NLGN4X: variants seen among roughly 807,000 people sequenced by gnomAD.
NLGN4X encodes neuroligin 4 X-linked.
A neutral mutation model predicts 40.3 loss-of-function variants in NLGN4X; 3 were observed. That is an observed-to-expected ratio of 0.07 (90% CI 0.03 to 0.19). NLGN4X has a LOEUF of 0.19. Ranked by LOEUF, NLGN4X falls within the 10% of genes least tolerant of loss-of-function variation. The pLI is 1.00. For synonymous variants in NLGN4X, 270 were observed against 306.8 expected (o/e 0.88, Z 1.25); for missense variants, 382 against 708.3 (o/e 0.54, Z 5.23).
intron 3 of NLGN4X, among the ~76,000 whole-genome samples, chrX:5,956,637 A>G (rs1014926463): frequency 1.8e-5 from 2 of 111,287 alleles, no homozygotes; most frequent in Non-Finnish European, 3.8e-5. Flanking sequence ...CCCCAGTTCA[A>G]AATCTCTTGT....
At chrX:6,009,110 T>C (rs1281223895) in intron 3 of NLGN4X, among the ~76,000 whole-genome samples, 1 of 111,937 alleles carries the variant, frequency 8.9e-6, no homozygotes, top group Non-Finnish European at 1.9e-5. Flanking sequence ...TACATATATA[T>C]CACTTGTTTA....
At chrX:6,158,500 G>A (rs1015668561) in intron 1 of NLGN4X, among the ~76,000 whole-genome samples, 2 of 111,816 alleles carry the variant, frequency 1.8e-5, no homozygotes, top group African/African-American at 6.5e-5. Flanking sequence ...CATTATTGGT[G>A]AAATGCAGAT....
rs761727101 is a variant in NLGN4X at position 5,984,387 on chromosome X, A to G, written c.625+44893T>C. 5.4e-5 allele frequency among the ~76,000 whole-genome samples: 6 copies of G among 110,638 alleles called. No homozygotes were observed. The Admixed American group carries it at 5.8e-4, about 11-fold the overall frequency. On this transcript the variant is annotated intron_variant, in intron 3 of 5. Transcript: ENST00000381095. ...AAAATTTAATACAAAATACAAAAAA[A>G]AAAAGACTAAAAAAGGAGCCAGAGG... is the stretch of plus-strand genomic sequence containing the variant.
intron 2 of NLGN4X, among the ~76,000 whole-genome samples, chrX:6,123,435 T>C (rs2039469747): frequency 9.0e-6 from 1 of 111,515 alleles, no homozygotes; most frequent in African/African-American, 3.3e-5. Flanking sequence ...CACAATATAT[T>C]TCTGCAAGGA....
At chrX:6,151,796 G>C (rs2040171010) in intron 1 of NLGN4X, 25 bp from the exon 2 acceptor site, 3 of 311,993 alleles carry the variant, frequency 9.6e-6, no homozygotes, top group Non-Finnish European at 1.7e-5. Context: ...AAGCAGACAA[G>C]AATAATGAAG....
intron 2 of NLGN4X, among the ~76,000 whole-genome samples, chrX:6,081,471 T>A (rs1487901564): frequency 1.8e-5 from 2 of 112,281 alleles, no homozygotes; most frequent in Admixed American, 1.9e-4. Flanking sequence ...TATAAATGCA[T>A]GCTGAAGGTT....
chrX:5,945,249 A>C (rs2034082442), intron 3 of NLGN4X, among the ~76,000 whole-genome samples: 1 of 111,518 alleles, frequency 9.0e-6, no homozygotes, highest in Non-Finnish European at 1.9e-5. Flanking sequence ...ATAGGAAGAA[A>C]AGATGGATGG....
At chrX:6,194,712 TTGA>T (rs745377159) in intron 1 of NLGN4X, among the ~76,000 whole-genome samples, 87 of 112,416 alleles carry the variant, frequency 7.7e-4, no homozygotes, top group African/African-American at 2.7e-3. Context: ...ATAAATATTG[TTGA>T]TGAAACTGTA....
chrX:6,093,036 T>C (rs1219492360), intron 2 of NLGN4X, among the ~76,000 whole-genome samples: 2 of 91,336 alleles, frequency 2.2e-5, no homozygotes, highest in Non-Finnish European at 4.4e-5. Context: ...ACAGAAACCA[T>C]AGAAAGAATG....
chrX:6,190,002 T>G (rs1417404150), intron 1 of NLGN4X, among the ~76,000 whole-genome samples: 1 of 109,317 alleles, frequency 9.1e-6, no homozygotes, highest in East Asian at 2.8e-4. Flanking sequence ...GTTTTACCTT[T>G]GATAAGACAA....
chrX:6,196,377 C>A (rs780970257), intron 1 of NLGN4X, among the ~76,000 whole-genome samples: 1 of 109,332 alleles, frequency 9.1e-6, no homozygotes, highest in South Asian at 4.1e-4. Flanking sequence ...CGGTTTAACC[C>A]TGTCTCTACT....
chrX:6,176,519 C>T lies in NLGN4X; in HGVS notation c.-305-24748G>A, dbSNP rs149488213. On this transcript the variant is annotated intron_variant, in intron 1 of 5. Coordinates refer to ENST00000381095, the MANE Select transcript of NLGN4X (RefSeq NM_181332.3). ...AGAATTAAGGTTCCCAGTCAGCAGA[C>T]CTCGAAATGGGGAGATGATTCCAGG... Among the ~76,000 whole-genome samples the T allele has an allele frequency of 8.7e-3, 976 of 111,944 alleles. 8 individuals are homozygous for T. Among genetic ancestry groups the T allele is most frequent in the African/African-American group, 0.03 (931 of 30,810 alleles).
intron 1 of NLGN4X, among the ~76,000 whole-genome samples, chrX:6,153,282 G>A (rs927274030): frequency 1.1e-4 from 12 of 110,934 alleles, no homozygotes; most frequent in African/African-American, 3.6e-4. Context: ...AAATTCCATA[G>A]TACATGACAT....
chrX:6,194,204 TG>T (rs1922841805), intron 1 of NLGN4X, among the ~76,000 whole-genome samples: 1 of 111,738 alleles, frequency 8.9e-6, no homozygotes, highest in South Asian at 3.7e-4. Flanking sequence ...TATATTAGGT[TG>T]GTGCAAGCGT....
chrX:5,977,147 G>A (rs973121304), intron 3 of NLGN4X, among the ~76,000 whole-genome samples: 1 of 112,689 alleles, frequency 8.9e-6, no homozygotes, highest in Non-Finnish European at 1.9e-5. Context: ...CATGGTCAAA[G>A]TAGGTGATTA....
At chrX:6,183,546 C>CAAAA (rs532961024) in intron 1 of NLGN4X, among the ~76,000 whole-genome samples, 2 of 90,262 alleles carry the variant, frequency 2.2e-5, no homozygotes, top group African/African-American at 8.2e-5. Flanking sequence ...GACTCCGTCT[C>CAAAA]AAAAAAAAAA....
At chrX:6,078,790 T>C (rs2038269537) in intron 2 of NLGN4X, among the ~76,000 whole-genome samples, 1 of 111,701 alleles carries the variant, frequency 9.0e-6, no homozygotes, top group Non-Finnish European at 1.9e-5. Context: ...AGTGATATGG[T>C]CTGGCTCTGT....
At chrX:6,065,415 G>A (rs933273388) in intron 2 of NLGN4X, among the ~76,000 whole-genome samples, 1 of 110,336 alleles carries the variant, frequency 9.1e-6, no homozygotes, top group Non-Finnish European at 1.9e-5. Context: ...AGATAAAGAT[G>A]CAAAGATGTT....
chrX:5,984,856 A>G lies in NLGN4X; in HGVS notation c.625+44424T>C, dbSNP rs182244260. ...TTTCCAACAGCTTGTTAGCTCTGAA[A>G]ATATATTTTAGATCACCGATAGATT... On this transcript the variant is annotated intron_variant, in intron 3 of 5. Coordinates refer to ENST00000381095, the MANE Select transcript of NLGN4X (RefSeq NM_181332.3). Among the ~76,000 whole-genome samples, 188 of 112,432 alleles carry G rather than the reference A, an allele frequency of 1.7e-3. 2 individuals are homozygous for G. The highest frequency in any genetic ancestry group is 5.8e-3 in the African/African-American group (181 of 31,048).
Sources: allele counts gnomAD v4.1 joint callset (sites outside exome capture counted in the v4.1 genomes callset), GRCh38; gene constraint gnomAD v4.1.1; transcripts MANE v1.5; gene names NCBI Gene and HGNC (gene_info 2026-07-23, HGNC 2026-07-21).